ADAM32: variants seen among roughly 807,000 people sequenced by gnomAD.
ADAM32 encodes the protein disintegrin and metalloproteinase domain-containing protein 32.
Under a neutral mutation model 114.9 loss-of-function variants are expected in ADAM32, and 89 were observed. The observed-to-expected ratio is 0.77, with a 90% CI of 0.65 to 0.92. The LOEUF (loss-of-function observed/expected upper bound fraction) is 0.92, where lower values mean the gene tolerates loss of function less well. Ranked by LOEUF, ADAM32 falls within the 40% of genes least tolerant of loss-of-function variation. The pLI, the probability that ADAM32 is intolerant of heterozygous loss-of-function variation, is 0.00. For missense variants in ADAM32, 870 were observed against 932.8 expected (o/e 0.93, Z 0.88); for synonymous variants, 285 against 307.5 (o/e 0.93, Z 0.77).
chr8:39,135,118 G>C (rs1368014970), intron 2 of ADAM32, among the ~76,000 whole-genome samples: 1 of 152,156 alleles, frequency 6.6e-6, no homozygotes, highest in Non-Finnish European at 1.5e-5. Flanking sequence ...TGGCGCCACT[G>C]CACTCCAGCC....
At position 39,283,589 on chromosome 8, in the gene ADAM32, C is replaced by G; in HGVS notation, c.2322C>G (p.Ser774=). Residue 774 remains serine, a synonymous_variant, in exon 24 of 25, where the codon TCC becomes TCG. Transcript: ENST00000379907. ...TGTTATTTCCTTATTTCCTTAGATC[C>G]AAATCACAGGACAGTACCCAAACAC... ...EDSAEAYTSR[S]KSQDSTQTQS... The G allele has an allele frequency of 6.3e-7, 1 of 1,597,686 alleles. No individual in the cohort carries two copies. Among genetic ancestry groups the G allele is most frequent in the Non-Finnish European group, 8.5e-7 (1 of 1,169,902 alleles).
intron 19 of ADAM32, among the ~76,000 whole-genome samples, chr8:39,258,392 C>T (rs1252147900): frequency 1.6e-5 from 2 of 124,782 alleles, no homozygotes; most frequent in East Asian, 4.2e-4. Context: ...AAAACCTTCT[C>T]CTTAACATAT....
intron 12 of ADAM32, among the ~76,000 whole-genome samples, chr8:39,218,036 G>A (rs1808707563): frequency 6.6e-6 from 1 of 151,882 alleles, no homozygotes; most frequent in Non-Finnish European, 1.5e-5. Flanking sequence ...GTATTTGAAA[G>A]GACTTAAGTG....
At chr8:39,243,225 A>G (rs371501770) in intron 16 of ADAM32, among the ~76,000 whole-genome samples, 3 of 152,274 alleles carry the variant, frequency 2.0e-5, no homozygotes, top group East Asian at 1.9e-4. Context: ...ACTGGTACCA[A>G]TCCTACTGAA....
At chr8:39,156,246 C>T (rs992561786) in intron 6 of ADAM32, among the ~76,000 whole-genome samples, 1 of 152,118 alleles carries the variant, frequency 6.6e-6, no homozygotes. Flanking sequence ...CTCCTAAGCA[C>T]AGGTGATCCT....
Position 39,223,056 on chromosome 8 carries a change from T to A in ADAM32, c.1343T>A (p.Val448Asp), listed in dbSNP as rs1241010296. Residue 448 changes from valine to aspartate, a missense_variant, in exon 14 of 25, where the codon GTT (valine) becomes GAT (aspartate). By Grantham distance (152) the Val-to-Asp change is radical. Transcript: ENST00000379907. ...CKDCQILQSG[V>D]ECRPKAHPEC... ...TTCTCTTAGATTTTACAATCAGGCG[T>A]TGAATGTAGGCCGAAAGCACATCCT... 6.3e-7 allele frequency: 1 copy of A among 1,584,950 alleles called. No individual in the cohort carries two copies.
intron 17 of ADAM32, among the ~76,000 whole-genome samples, chr8:39,250,557 T>G (rs567460123): frequency 6.6e-6 from 1 of 152,156 alleles, no homozygotes; most frequent in African/African-American, 2.4e-5. Context: ...GTTTTATTTT[T>G]TATTGGCAAT....
Position 39,165,134 on chromosome 8 carries a change from A to C in ADAM32, c.771A>C (p.Lys257Asn). Residue 257 changes from lysine (K) to asparagine (N), a missense_variant, in exon 9 of 25, where the codon AAA (lysine) becomes AAC (asparagine). By Grantham distance (94) the Lys-to-Asn change is moderately conservative (BLOSUM62 0). Transcript: ENST00000379907. ...GTGAGGCAGATGAATTATTGCAAAA[A>C]TTTTTAGAATGGAAACAATCTTATC... ...TVGEADELLQ[K>N]FLEWKQSYLN... The C allele has an allele frequency of 1.2e-6, 2 of 1,604,946 alleles. No homozygotes were observed. The highest frequency in any genetic ancestry group is 2.2e-5 in the South Asian group (2 of 90,556).
intron 1 of ADAM32, 127 bp from the exon 2 acceptor site, chr8:39,117,959 T>C (rs1588464860): frequency 3.8e-6 from 2 of 529,032 alleles, no homozygotes; most frequent in Middle Eastern, 2.8e-4. Flanking sequence ...GTTTTCAAGC[T>C]TTTTATAGAA....
chr8:39,226,735 A>G (rs930507599), intron 14 of ADAM32, among the ~76,000 whole-genome samples: 4 of 152,180 alleles, frequency 2.6e-5, no homozygotes, highest in African/African-American at 9.6e-5. Context: ...CAAGGAGTTC[A>G]TTGCCACTCA....
intron 11 of ADAM32, among the ~76,000 whole-genome samples, chr8:39,208,856 A>G (rs1430758345): frequency 1.3e-5 from 2 of 151,940 alleles, no homozygotes; most frequent in Non-Finnish European, 2.9e-5. Context: ...TGATTATTAT[A>G]TGCGTTGAGG....
chr8:39,216,017 A>G (rs1219467265), intron 12 of ADAM32, among the ~76,000 whole-genome samples: 1 of 151,972 alleles, frequency 6.6e-6, no homozygotes, highest in Non-Finnish European at 1.5e-5. Context: ...TCCAGCTGTT[A>G]TTGTATTGGG....
chr8:39,246,610 T>C (rs907420346), intron 17 of ADAM32, among the ~76,000 whole-genome samples: 3 of 152,212 alleles, frequency 2.0e-5, no homozygotes, highest in African/African-American at 7.2e-5. Context: ...TTTCCATATA[T>C]CCACTCATCT....
intron 6 of ADAM32, among the ~76,000 whole-genome samples, chr8:39,159,096 T>G (rs1204323573): frequency 6.6e-6 from 1 of 152,194 alleles, no homozygotes; most frequent in African/African-American, 2.4e-5. Flanking sequence ...TGTTGAAATT[T>G]GAACATTTTG....
rs566744448 is a variant in ADAM32, at chr8:39,169,798, A to T, written c.834-118A>T. 540 of 651,222 alleles carry T rather than the reference A, an allele frequency of 8.3e-4. 2 individuals carry two copies. The highest frequency in any genetic ancestry group is 1.2e-3 in the Non-Finnish European group (465 of 391,672). 40.3% of individuals were successfully genotyped at this position (651,222 alleles called of 1,614,324 possible). A position where few individuals can be genotyped will look rare whatever the true frequency, so the allele number is the denominator to read the frequency against. On this transcript the variant is annotated intron_variant, in intron 9 of 24. Transcript: ENST00000379907. ...ACAATTGAGGACATATGGAAAGATC[A>T]TACCTCAATTTGCTTCAGATTTGGA...
intron 12 of ADAM32, among the ~76,000 whole-genome samples, chr8:39,215,410 T>G (rs1048495390): frequency 1.2e-4 from 18 of 152,046 alleles, no homozygotes; most frequent in African/African-American, 4.3e-4. Context: ...AACTAATTCC[T>G]AGACATTTTA....
At chr8:39,194,755 G>A (rs1337679591) in intron 11 of ADAM32, among the ~76,000 whole-genome samples, 3 of 152,182 alleles carry the variant, frequency 2.0e-5, no homozygotes, top group African/African-American at 7.2e-5. Flanking sequence ...TCATGGGCAA[G>A]ACTGCTTTGC....
At chr8:39,252,783 A>G (rs1036219700) in intron 17 of ADAM32, among the ~76,000 whole-genome samples, 3 of 151,672 alleles carry the variant, frequency 2.0e-5, no homozygotes, top group African/African-American at 7.2e-5. Flanking sequence ...TGTGGTGTAT[A>G]TTTATACACC....
At position 39,234,006 on chromosome 8, in the gene ADAM32, CTG is replaced by C; in HGVS notation, c.1744_1745del (p.Val582ArgfsTer21). ...TTCGTACGAGATTCTGTATGCATAA[CTG>C]TAGACTACAAATTGCCTCGAACAGT... On this transcript the variant is annotated frameshift_variant, in exon 16 of 25. Coordinates refer to ENST00000379907, the MANE Select transcript of ADAM32 (RefSeq NM_145004.7). LOFTEE classifies it high-confidence loss of function. The C allele has an allele frequency of 6.4e-7, 1 of 1,560,796 alleles. No homozygotes were observed. Among genetic ancestry groups the C allele is most frequent in the Non-Finnish European group, 8.7e-7 (1 of 1,150,824 alleles).
Sources: gnomAD v4.1 joint callset for allele counts (sites outside exome capture counted in the v4.1 genomes callset) on GRCh38, gnomAD v4.1.1 for gene constraint, MANE v1.5 for transcripts, NCBI Gene and HGNC (gene_info 2026-07-23, HGNC 2026-07-21) for gene names.